Variants in MTOR observed in about 807,000 individuals in gnomAD.
The protein encoded by MTOR is serine/threonine-protein kinase mTOR.
Under a neutral mutation model 319.8 loss-of-function variants are expected in MTOR, and 70 were observed. That is an observed-to-expected ratio of 0.22 (90% CI 0.18 to 0.27). The LOEUF is 0.27. Ranked by LOEUF, MTOR falls within the 10% of genes least tolerant of loss-of-function variation. The pLI, the probability that MTOR is intolerant of heterozygous loss-of-function variation, is 1.00. For missense variants in MTOR, 1,890 were observed against 3,274.4 expected (o/e 0.58, Z 10.32); for synonymous variants, 1,183 against 1,211.4 (o/e 0.98, Z 0.49).
At position 11,240,416 on chromosome 1, in the gene MTOR, G is replaced by A. The variant is rs1489436167; in HGVS notation, c.1673C>T (p.Pro558Leu). The A allele has an allele frequency of 6.2e-7, 1 of 1,614,130 alleles. No homozygotes were observed. Residue 558 changes from proline (P) to leucine (L), a missense_variant, in exon 11 of 58, where the codon CCC becomes CTC. Pro to Leu is a moderately conservative substitution (Grantham distance 98). Around this residue, in one of 15 missense-constraint regions of MTOR, gnomAD observed 418 missense variants for 543.1 expected, o/e 0.77. Coordinates refer to ENST00000361445, the MANE Select transcript of MTOR (RefSeq NM_004958.4). ...MHKPLRHPGM[P>L]KGLAHQLASP... ...GGCCAGCTGATGGGCCAGGCCCTTG[G>A]GCATGCCTGGGTGGCGAAGGGGTTT...
intron 8 of MTOR, 60 bp from the exon 9 acceptor site, chr1:11,243,360 C>A (rs1387529154): frequency 6.7e-7 from 1 of 1,485,522 alleles, no homozygotes; most frequent in Non-Finnish European, 9.2e-7. Context: ...TACATATCAA[C>A]AGTCAAAGGT....
intron 28 of MTOR, among the ~76,000 whole-genome samples, chr1:11,176,071 A>C (rs1403990649): frequency 6.6e-6 from 1 of 152,088 alleles, no homozygotes; most frequent in Non-Finnish European, 1.5e-5. Flanking sequence ...TTATTGGAGG[A>C]GGATGAGATT....
intron 26 of MTOR, among the ~76,000 whole-genome samples, chr1:11,201,406 G>A (rs1018792188): frequency 1.2e-4 from 19 of 152,152 alleles, no homozygotes; most frequent in African/African-American, 4.6e-4. Context: ...AAAAATACTT[G>A]AAAGAAATTA....
intron 32 of MTOR, among the ~76,000 whole-genome samples, chr1:11,146,448 G>A (rs768680069): frequency 2.3e-4 from 35 of 152,118 alleles, no homozygotes; most frequent in Non-Finnish European, 3.8e-4. Context: ...AAAAGCAACC[G>A]AGACAGTAGC....
chr1:11,162,637 C>T (rs1644513089), intron 29 of MTOR, among the ~76,000 whole-genome samples: 1 of 152,212 alleles, frequency 6.6e-6, no homozygotes, highest in African/African-American at 2.4e-5. Context: ...ATTCAACATT[C>T]TTAAAGAGAA....
At chr1:11,201,235 T>C (rs560296240) in intron 26 of MTOR, among the ~76,000 whole-genome samples, 34 of 152,194 alleles carry the variant, frequency 2.2e-4, no homozygotes, top group African/African-American at 6.5e-4. Context: ...TATTTGGGAC[T>C]AAGGGGATAA....
chr1:11,160,125 A>C (rs1644431823), intron 29 of MTOR, among the ~76,000 whole-genome samples: 1 of 130,896 alleles, frequency 7.6e-6, no homozygotes, highest in African/African-American at 3.1e-5. Context: ...TTTGAGGCAG[A>C]GTTTCGCTCT....
chr1:11,256,272 G>A (rs1056529254), intron 4 of MTOR, 80 bp from the exon 5 acceptor site: 2 of 1,528,208 alleles, frequency 1.3e-6, no homozygotes, highest in African/African-American at 2.8e-5. Flanking sequence ...TGTCATCTTA[G>A]AGCCATACAC....
At chr1:11,155,761 C>T (rs1470572720) in intron 30 of MTOR, among the ~76,000 whole-genome samples, 1 of 152,294 alleles carries the variant, frequency 6.6e-6, no homozygotes, top group African/African-American at 2.4e-5. Context: ...TGTATTACGA[C>T]AGCCTGGTTG....
Position 11,107,164 on chromosome 1 carries a change from C to T in MTOR, c.*321G>A. The T allele has an allele frequency of 7.2e-7, 1 of 1,385,576 alleles. No individual in the cohort carries two copies. Among genetic ancestry groups the T allele is most frequent in the Non-Finnish European group, 9.5e-7 (1 of 1,051,136 alleles). The allele number at this position is 1,385,576 out of a possible 1,614,324, so 85.8% of individuals were successfully genotyped here. The stretch of plus-strand genomic sequence containing the variant: ...CATCAGCAAGTACTTATGATGAGTT[C>T]TCTTGTGAGTTAAGTCAAAACCCGT... On this transcript the variant is annotated 3_prime_UTR_variant, in exon 58 of 58. Transcript: ENST00000361445.
rs200812407 is a variant in MTOR, at chr1:11,199,281, A to G, written c.4230T>C (p.Pro1410=). Residue 1410 remains proline, a synonymous_variant, in exon 28 of 58, where the codon CCT becomes CCC. Coordinates refer to ENST00000361445, the MANE Select transcript of MTOR (RefSeq NM_004958.4). This position sits in a 1 kb window ranked among gnomAD's most constrained non-coding sequence, Gnocchi z 4.5. ...KELEFQKGPT[P]AILESLISIN... ...ACCTGATGAGAGATTCTAGAATGGC[A>G]GGGGTGGGGCCTTTCTGGAACTCCA... 5 of 1,614,176 alleles carry G rather than the reference A, an allele frequency of 3.1e-6. No homozygotes were observed. Among genetic ancestry groups the G allele is most frequent in the Non-Finnish European group, 4.2e-6 (5 of 1,180,026 alleles).
At chr1:11,145,648 C>T (rs944586338) in intron 32 of MTOR, among the ~76,000 whole-genome samples, 3 of 151,924 alleles carry the variant, frequency 2.0e-5, no homozygotes, top group African/African-American at 7.3e-5. Flanking sequence ...GGGTTACAGG[C>T]GCCCGCCACC....
intron 13 of MTOR, 90 bp from the exon 14 acceptor site, chr1:11,234,355 G>C (rs1187301796): frequency 1.4e-5 from 20 of 1,466,008 alleles, no homozygotes; most frequent in East Asian, 2.3e-5. Flanking sequence ...AGGGAACTGG[G>C]GGAAAAACCC....
chr1:11,117,889 G>C (rs950869520), intron 49 of MTOR, among the ~76,000 whole-genome samples: 1 of 152,036 alleles, frequency 6.6e-6, no homozygotes, highest in Non-Finnish European at 1.5e-5. Context: ...AGACCAGCCT[G>C]ACCAACATGG....
chr1:11,236,313 A>C (rs1012795761), intron 13 of MTOR, among the ~76,000 whole-genome samples: 1 of 151,488 alleles, frequency 6.6e-6, no homozygotes, highest in Non-Finnish European at 1.5e-5. Context: ...ACTTTCGTAT[A>C]TTTTGTAGAG....
chr1:11,127,151 G>C lies in MTOR; in HGVS notation c.6217-7C>G, dbSNP rs760065259. 14 of 1,613,456 alleles carry C rather than the reference G, an allele frequency of 8.7e-6. No homozygotes were observed. In the African/African-American group the frequency reaches 1.7e-4, roughly 20 times the overall value. ...TTAAATCTCGACCATAGGCCTGAGA[G>C]AGAAAGCAGGCACGTTTTCAAGTTA... On this transcript the variant is annotated splice_region_variant and splice_polypyrimidine_tract_variant and intron_variant, in intron 44 of 57. Coordinates refer to ENST00000361445, the MANE Select transcript of MTOR (RefSeq NM_004958.4). This position sits in a 1 kb window ranked among gnomAD's most constrained non-coding sequence, Gnocchi z 5.5.
At chr1:11,167,408 C>T (rs375099321) in intron 29 of MTOR, 34 bp downstream of exon 29, 6 of 1,573,878 alleles carry the variant, frequency 3.8e-6, no homozygotes, top group Non-Finnish European at 3.5e-6. Context: ...CAAGTCTCTA[C>T]CTCCTGCTTT....
chr1:11,120,764 T>C (rs868660350), intron 49 of MTOR, among the ~76,000 whole-genome samples: 3 of 152,196 alleles, frequency 2.0e-5, no homozygotes, highest in South Asian at 2.1e-4. Context: ...GTGAATGTTA[T>C]ACAATGTAAA....
intron 49 of MTOR, among the ~76,000 whole-genome samples, chr1:11,120,448 G>T (rs1251583061): frequency 6.6e-6 from 1 of 151,682 alleles, no homozygotes; most frequent in Non-Finnish European, 1.5e-5. Context: ...TGAGGCAGGA[G>T]AATCGCTTGA....
Sources: allele counts gnomAD v4.1 joint callset (sites outside exome capture counted in the v4.1 genomes callset), GRCh38; gene constraint gnomAD v4.1.1; regional missense constraint gnomAD v4.1.1; non-coding constraint Gnocchi (gnomAD v3.1); transcripts MANE v1.5; gene names NCBI Gene and HGNC (gene_info 2026-07-23, HGNC 2026-07-21).